Variants in ANXA6 observed in about 807,000 individuals in gnomAD.
ANXA6 encodes 67 kDa calelectrin.
ANXA6 carries 71 observed loss-of-function variants against 95.4 expected under a neutral mutation model. That is an observed-to-expected ratio of 0.74 (90% CI 0.61 to 0.91). The LOEUF is 0.91. Ranked by LOEUF, ANXA6 falls within the 40% of genes least tolerant of loss-of-function variation. The pLI, the probability that ANXA6 is intolerant of heterozygous loss-of-function variation, is 0.00. For synonymous variants in ANXA6, 289 were observed against 315.9 expected (o/e 0.91, Z 0.90); for missense variants, 830 against 876.4 (o/e 0.95, Z 0.67).
rs1214878411 is a variant in ANXA6 at position 151,117,127 on chromosome 5, C to T, written c.1572G>A (p.Gln524=). ...ENLDQAREDA[Q]VAAEILEIAD... is the part of the protein sequence containing the mutation. ...GACTGGGGTGGGCTGGGGGTCTTAC[C>T]TGGGCATCTTCCCGTGCCTGGTCCA... Residue 524 remains glutamine (Q), a splice_region_variant and synonymous_variant, in exon 20 of 26, where the codon CAG becomes CAA. Coordinates refer to ENST00000354546, the MANE Select transcript of ANXA6 (RefSeq NM_001155.5). The T allele has an allele frequency of 3.1e-6, 5 of 1,589,236 alleles. No homozygotes were observed. The East Asian group carries it at 1.2e-4, about 37-fold the overall frequency.
rs540027969 is a variant in ANXA6 at position 151,150,511 on chromosome 5, C to T, written c.-25-2585G>A. ...TCTGTCGTGTTTGCCTCTGTGTCTT[C>T]ACTGGCTGATTATGAGTTCCCCAAG... On this transcript the variant is annotated intron_variant, in intron 1 of 25. Transcript: ENST00000354546. Among the ~76,000 whole-genome samples the T allele has an allele frequency of 2.6e-5, 4 of 152,294 alleles. No individual in the cohort carries two copies. The East Asian group carries it at 5.8e-4, about 22-fold the overall frequency.
intron 3 of ANXA6, 54 bp from the exon 4 acceptor site, chr5:151,139,501 A>T: frequency 1.5e-6 from 2 of 1,305,274 alleles, no homozygotes; most frequent in East Asian, 4.7e-5. Flanking sequence ...CAGGAAGCCC[A>T]CCAGGGCCAC....
At chr5:151,142,165 T>C (rs1212048969) in intron 2 of ANXA6, among the ~76,000 whole-genome samples, 1 of 152,224 alleles carries the variant, frequency 6.6e-6, no homozygotes, top group Admixed American at 6.5e-5. Flanking sequence ...GCAGGCAATA[T>C]TAGCTACTAG....
At chr5:151,135,894 T>C (rs1047355000) in intron 7 of ANXA6, among the ~76,000 whole-genome samples, 1 of 152,188 alleles carries the variant, frequency 6.6e-6, no homozygotes, top group African/African-American at 2.4e-5. Context: ...ATAGTCTCTT[T>C]GTGATATACT....
At position 151,129,434 on chromosome 5, in the gene ANXA6, A is replaced by C. The variant is rs1446487066; in HGVS notation, c.891T>G (p.Tyr297Ter). The C allele has an allele frequency of 6.2e-7, 1 of 1,613,338 alleles. No homozygotes were observed. Among genetic ancestry groups the C allele is most frequent in the East Asian group, 2.2e-5 (1 of 44,894 alleles). ...TGATCATGCTGTAGAGGGACTTCTC[A>C]TACTTGGTCCGGAAGATCTCCCGAA... ...LDIREIFRTK[Y>*]EKSLYSMIKN... The change falls in exon 12 of 26, where the codon TAT becomes TAG. Residue 297 changes from tyrosine to a stop codon, truncating the protein, a stop_gained. Coordinates refer to ENST00000354546, the MANE Select transcript of ANXA6 (RefSeq NM_001155.5). LOFTEE classifies it high-confidence loss of function.
intron 10 of ANXA6, among the ~76,000 whole-genome samples, 163 bp from the exon 11 acceptor site, chr5:151,131,452 C>A (rs922437268): frequency 6.6e-6 from 1 of 152,176 alleles, no homozygotes; most frequent in African/African-American, 2.4e-5. Flanking sequence ...CCAGACCAAC[C>A]CACTTTTACC....
At chr5:151,151,045 G>A (rs1319368839) in intron 1 of ANXA6, 1 of 152,222 alleles carries the variant, frequency 6.6e-6, no homozygotes, top group Admixed American at 6.5e-5. Context: ...GCCTCTTACT[G>A]TTTGGGAAAA....
At position 151,114,728 on chromosome 5, in the gene ANXA6, T is replaced by G. The variant is rs560483342; in HGVS notation, c.1572+2399A>C. 4.2e-4 allele frequency among the ~76,000 whole-genome samples: 64 copies of G among 151,444 alleles called. No individual in the cohort carries two copies. In the South Asian group the frequency reaches 0.013, roughly 32 times the overall value. ...AATAATTATTTATAATTTATTGCTC[T>G]AATTGGACAACAGAGTGAAAGGGGA... is the stretch of plus-strand genomic sequence containing the variant. On this transcript the variant is annotated intron_variant, in intron 20 of 25. Coordinates refer to ENST00000354546, the MANE Select transcript of ANXA6 (RefSeq NM_001155.5).
intron 2 of ANXA6, among the ~76,000 whole-genome samples, chr5:151,145,677 C>T (rs1228680662): frequency 2.2e-4 from 33 of 152,134 alleles, no homozygotes; most frequent in Non-Finnish European, 2.9e-5. Context: ...CAGATTCAAG[C>T]TAATAATTGA....
chr5:151,114,509 G>A (rs988951763), intron 20 of ANXA6, among the ~76,000 whole-genome samples: 1 of 150,852 alleles, frequency 6.6e-6, no homozygotes, highest in African/African-American at 2.4e-5. Context: ...AGCTACTTGG[G>A]AGTCTGAGGC....
chr5:151,144,163 G>A (rs1582016397), intron 2 of ANXA6, among the ~76,000 whole-genome samples: 1 of 152,310 alleles, frequency 6.6e-6, no homozygotes, highest in East Asian at 1.9e-4. Flanking sequence ...GTCAGGACCT[G>A]GGTAAGGGCA....
At chr5:151,126,193 C>T (rs927278091) in intron 14 of ANXA6, among the ~76,000 whole-genome samples, 1 of 152,162 alleles carries the variant, frequency 6.6e-6, no homozygotes, top group African/African-American at 2.4e-5. Context: ...GGGCCAGAAC[C>T]CTTTCCAGCG....
intron 22 of ANXA6, among the ~76,000 whole-genome samples, chr5:151,109,266 T>C (rs938440385): frequency 6.6e-6 from 1 of 152,144 alleles, no homozygotes; most frequent in African/African-American, 2.4e-5. Flanking sequence ...AAAATGTAAA[T>C]GTCTCAGTGC....
chr5:151,127,502 C>T (rs936996786), intron 13 of ANXA6, among the ~76,000 whole-genome samples: 3 of 152,222 alleles, frequency 2.0e-5, no homozygotes, highest in Admixed American at 2.0e-4. Flanking sequence ...CTCCTTCTCA[C>T]TCCTCGGCTT....
chr5:151,148,042 T>C, intron 1 of ANXA6, 116 bp from the exon 2 acceptor site: 1 of 1,000,678 alleles, frequency 1.0e-6, no homozygotes, highest in Non-Finnish European at 1.5e-6. Flanking sequence ...TCAGGTTAAA[T>C]CAGACCCAAT....
intron 24 of ANXA6, among the ~76,000 whole-genome samples, chr5:151,104,373 C>A (rs6875345): frequency 0.011 from 1,736 of 152,346 alleles, 38 homozygotes; most frequent in African/African-American, 0.039. Context: ...CTGCCTCTGC[C>A]CCCAGGGAGC....
intron 5 of ANXA6, 50 bp from the exon 6 acceptor site, chr5:151,137,371 C>T: frequency 6.7e-7 from 1 of 1,500,822 alleles, no homozygotes; most frequent in Non-Finnish European, 9.2e-7. Flanking sequence ...TGGGAGGTCA[C>T]TGGACACAGG....
chr5:151,115,290 TCTC>T (rs1390330633), intron 20 of ANXA6, among the ~76,000 whole-genome samples: 2 of 152,220 alleles, frequency 1.3e-5, no homozygotes, highest in Non-Finnish European at 2.9e-5. Context: ...TTTTTTGGCT[TCTC>T]CTTATTTTCT....
chr5:151,134,821 G>A (rs911733939), intron 7 of ANXA6, among the ~76,000 whole-genome samples: 6 of 152,174 alleles, frequency 3.9e-5, no homozygotes, highest in African/African-American at 1.4e-4. Context: ...GAGGGTCCCT[G>A]CCACAGATCC....
Sources: allele counts gnomAD v4.1 joint callset (sites outside exome capture counted in the v4.1 genomes callset), GRCh38; gene constraint gnomAD v4.1.1; transcripts MANE v1.5; gene names NCBI Gene and HGNC (gene_info 2026-07-23, HGNC 2026-07-21).